AADACL3: variants seen among roughly 807,000 people sequenced by gnomAD.
AADACL3 encodes arylacetamide deacetylase-like 3.
A neutral mutation model predicts 13.6 loss-of-function variants in AADACL3; 13 were observed. The observed-to-expected ratio is 0.95, with a 90% CI of 0.62 to 1.52. The LOEUF is 1.52. Among genes scored for constraint, AADACL3 ranks in the 40% most tolerant of loss-of-function variants. AADACL3 has a pLI of 0.00. For synonymous variants in AADACL3, 195 were observed against 197.0 expected (o/e 0.99, Z 0.08); for missense variants, 519 against 499.2 (o/e 1.04, Z -0.38).
At chr1:12,722,052 C>A (rs1459171559) in intron 3 of AADACL3, among the ~76,000 whole-genome samples, 4 of 152,160 alleles carry the variant, frequency 2.6e-5, no homozygotes, top group Non-Finnish European at 5.9e-5. Context: ...AGAGATGAAG[C>A]CGGGTGCAGT....
Position 12,719,497 on chromosome 1 carries a change from G to C in AADACL3, c.191G>C (p.Arg64Thr), listed in dbSNP as rs896528411. 23 of 1,613,940 alleles carry C rather than the reference G, an allele frequency of 1.4e-5. No homozygotes were observed. Among genetic ancestry groups the C allele is most frequent in the Non-Finnish European group, 1.9e-5 (22 of 1,179,920 alleles). The change falls in exon 2 of 4, where the codon AGA becomes ACA. Residue 64 changes from arginine to threonine, a missense_variant. Arg to Thr is a moderately conservative substitution (Grantham distance 71). Transcript: ENST00000359318. ...LTWGMIFEKL[R>T]ICSMPQFFCF... ...CAGGGGATGATATTTGAGAAGCTCA[G>C]AATCTGTTCTATGCCCCAATTTTTC...
chr1:12,726,140 A>G lies in AADACL3; in HGVS notation c.*144A>G. 1.1e-6 allele frequency: 1 copy of G among 872,870 alleles called. No individual in the cohort carries two copies. The highest frequency in any genetic ancestry group is 1.7e-6 in the Non-Finnish European group (1 of 583,430). The allele number at this position is 872,870 out of a possible 1,614,324, so 54.1% of individuals were successfully genotyped here. On this transcript the variant is annotated 3_prime_UTR_variant, in exon 4 of 4. Transcript: ENST00000359318. ...CTGTCACCTTTCTGGTCCAGGTTCT[A>G]GAACCACACAATGCATGCTCCTGAT...
chr1:12,726,073 T>C lies in AADACL3; in HGVS notation c.*77T>C. On this transcript the variant is annotated 3_prime_UTR_variant, in exon 4 of 4. Transcript: ENST00000359318. ...CTCCCACAGGGCTCTCTGTTGCTGA[T>C]TTAGGTGGTGCATAGTGGGGCTAGG... is the stretch of plus-strand genomic sequence containing the variant. 1.3e-6 allele frequency: 2 copies of C among 1,499,328 alleles called. No homozygotes were observed. The highest frequency in any genetic ancestry group is 1.8e-6 in the Non-Finnish European group (2 of 1,114,456). The allele number at this position is 1,499,328 out of a possible 1,614,324, so 92.9% of individuals were successfully genotyped here.
Position 12,719,402 on chromosome 1 carries a change from G to T in AADACL3, c.169-73G>T, listed in dbSNP as rs941571131. On this transcript the variant is annotated intron_variant, in intron 1 of 3. Transcript: ENST00000359318. ...TCCTTTTGCCACCTGTGGAGGGCAGGTTGTGAAGGCCAGACTCCAGATGGC... is the reference window on the plus strand; with the variant it reads ...TCCTTTTGCCACCTGTGGAGGGCAGTTTGTGAAGGCCAGACTCCAGATGGC... 6.9e-6 allele frequency: 10 copies of T among 1,444,536 alleles called. No individual in the cohort carries two copies. The African/African-American group carries it at 1.1e-4, about 16-fold the overall frequency. The allele number at this position is 1,444,536 out of a possible 1,614,324, so 89.5% of individuals were successfully genotyped here. A position where few individuals can be genotyped will look rare whatever the true frequency, so the allele number is the denominator to read the frequency against.
At chr1:12,721,746 C>T (rs1399362539) in intron 3 of AADACL3, among the ~76,000 whole-genome samples, 2 of 152,312 alleles carry the variant, frequency 1.3e-5, no homozygotes, top group African/African-American at 2.4e-5. Context: ...GTCCCCCTGG[C>T]TGAGACCCAC....
At position 12,726,331 on chromosome 1, in the gene AADACL3, ATT is replaced by A; in HGVS notation, c.*336_*337del. The A allele has an allele frequency of 3.3e-6, 1 of 298,622 alleles. No individual in the cohort carries two copies. Among genetic ancestry groups the A allele is most frequent in the Non-Finnish European group, 6.2e-6 (1 of 160,876 alleles). The allele number at this position is 298,622 out of a possible 1,614,324, so 18.5% of individuals were successfully genotyped here. ...CCTAAGGGGCAGTTCAGGCTCCCAG[ATT>A]GATCCAGACTGTGTGTGACTTTCGT... is the stretch of plus-strand genomic sequence containing the variant. On this transcript the variant is annotated 3_prime_UTR_variant, in exon 4 of 4. Coordinates refer to ENST00000359318, the MANE Select transcript of AADACL3 (RefSeq NM_001103170.3).
Position 12,719,590 on chromosome 1 carries a change from G to A in AADACL3, c.284G>A (p.Gly95Glu). 1 of 1,614,052 alleles carries A rather than the reference G, an allele frequency of 6.2e-7. No individual in the cohort carries two copies. Among genetic ancestry groups the A allele is most frequent in the Non-Finnish European group, 8.5e-7 (1 of 1,179,948 alleles). The change falls in exon 2 of 4, where the codon GGG (glycine) becomes GAG (glutamate). Residue 95 changes from glycine to glutamate, a missense_variant. By Grantham distance (98) the Gly-to-Glu change is moderately conservative. Transcript: ENST00000359318. ...PDVVVTDFRFGTIPVKLYQPK... is the reference protein window; with the variant it reads ...PDVVVTDFRFETIPVKLYQPK... ...GTTGTGGTCACGGATTTCCGCTTTG[G>A]GACAATCCCTGTGAAGCTGTACCAA... is the stretch of plus-strand genomic sequence containing the variant.
At chr1:12,716,480 A>C (rs1569617067) in intron 1 of AADACL3, 136 bp downstream of exon 1, 1 of 1,242,672 alleles carries the variant, frequency 8.0e-7, no homozygotes, top group East Asian at 2.3e-5. Context: ...AGACCTTCTG[A>C]AATGTGCATA....
At position 12,716,130 on chromosome 1, in the gene AADACL3, T is replaced by C. The variant is rs1351428589; in HGVS notation, c.-47T>C. ...GCTCTGAACCATGTCCTAAATGGTT[T>C]ACACTGCGCACAGCTTCCTCTCAGC... On this transcript the variant is annotated 5_prime_UTR_variant, in exon 1 of 4. Coordinates refer to ENST00000359318, the MANE Select transcript of AADACL3 (RefSeq NM_001103170.3). The C allele has an allele frequency of 7.7e-6, 5 of 646,112 alleles. No homozygotes were observed. The highest frequency in any genetic ancestry group is 1.1e-5 in the Non-Finnish European group (4 of 357,084). 40.0% of individuals were successfully genotyped at this position (646,112 alleles called of 1,614,324 possible).
At position 12,726,358 on chromosome 1, in the gene AADACL3, T is replaced by C; in HGVS notation, c.*362T>C. 4.6e-6 allele frequency: 1 copy of C among 217,932 alleles called. No homozygotes were observed. The highest frequency in any genetic ancestry group is 9.0e-6 in the Non-Finnish European group (1 of 110,630). 13.5% of individuals were successfully genotyped at this position (217,932 alleles called of 1,614,324 possible). On this transcript the variant is annotated 3_prime_UTR_variant, in exon 4 of 4. Transcript: ENST00000359318. The stretch of plus-strand genomic sequence containing the variant: ...TGATCCAGACTGTGTGTGACTTTCG[T>C]CCATTTGACTTGACTTTGGAATAGC...
chr1:12,718,552 A>G (rs945786267), intron 1 of AADACL3, among the ~76,000 whole-genome samples: 1 of 152,034 alleles, frequency 6.6e-6, no homozygotes, highest in Non-Finnish European at 1.5e-5. Flanking sequence ...GCTGGAGTGC[A>G]ATGGCATGAT....
rs1474782534 is a variant in AADACL3 at position 12,727,661 on chromosome 1, C to T, written c.*1665C>T. 1 of 152,260 alleles carries T rather than the reference C, an allele frequency of 6.6e-6. No individual in the cohort carries two copies. The highest frequency in any genetic ancestry group is 1.5e-5 in the Non-Finnish European group (1 of 68,060). 9.4% of individuals were successfully genotyped at this position (152,260 alleles called of 1,614,324 possible). On this transcript the variant is annotated 3_prime_UTR_variant, in exon 4 of 4. Coordinates refer to ENST00000359318, the MANE Select transcript of AADACL3 (RefSeq NM_001103170.3). ...GCTGAACTATGAGGCAGAGAGGAAT[C>T]CCATTGGGTGGCTCCTTGCTGCATT... is the stretch of plus-strand genomic sequence containing the variant.
At position 12,719,674 on chromosome 1, in the gene AADACL3, G is replaced by A. The variant is rs377308008; in HGVS notation, c.368G>A (p.Gly123Asp). ...ATCGTGTACTACCACGGTGGCGGGGGCGTCATGGGGAGTTTGAGTAAGAAC... is the reference window on the plus strand; with the variant it reads ...ATCGTGTACTACCACGGTGGCGGGGACGTCATGGGGAGTTTGAGTAAGAAC... ...PGIVYYHGGG[G>D]VMGSLKTHHG... The change falls in exon 2 of 4, where the codon GGC becomes GAC. Residue 123 changes from glycine (G) to aspartate (D), a missense_variant. Gly to Asp is a moderately conservative substitution (Grantham distance 94). Coordinates refer to ENST00000359318, the MANE Select transcript of AADACL3 (RefSeq NM_001103170.3). The A allele has an allele frequency of 5.6e-6, 9 of 1,613,924 alleles. No individual in the cohort carries two copies. The highest frequency in any genetic ancestry group is 2.7e-5 in the African/African-American group (2 of 74,910).
chr1:12,717,596 G>A (rs527436377), intron 1 of AADACL3, among the ~76,000 whole-genome samples: 4 of 152,196 alleles, frequency 2.6e-5, no homozygotes, highest in South Asian at 2.1e-4. Flanking sequence ...AGGTGAGAGA[G>A]GTAAAGTTCC....
At chr1:12,716,428 G>A in intron 1 of AADACL3, 84 bp downstream of exon 1, 1 of 1,558,742 alleles carries the variant, frequency 6.4e-7, no homozygotes, top group Non-Finnish European at 8.8e-7. Context: ...GCTTCTAGCT[G>A]AATGAACACC....
intron 1 of AADACL3, among the ~76,000 whole-genome samples, chr1:12,716,759 T>C (rs1302406783): frequency 6.6e-6 from 1 of 152,252 alleles, no homozygotes; most frequent in East Asian, 1.9e-4. Context: ...GTGTCCATAT[T>C]ATTCACAGCA....
intron 1 of AADACL3, among the ~76,000 whole-genome samples, chr1:12,719,053 T>C (rs1320618654): frequency 6.6e-6 from 1 of 152,304 alleles, no homozygotes; most frequent in Non-Finnish European, 1.5e-5. Flanking sequence ...ACCCACACTA[T>C]AGTTAGCTAC....
chr1:12,723,726 G>C (rs901316622), intron 3 of AADACL3, among the ~76,000 whole-genome samples: 3 of 152,040 alleles, frequency 2.0e-5, no homozygotes, highest in Non-Finnish European at 2.9e-5. Context: ...CGATTCATCT[G>C]CCTTGGCCTC....
intron 2 of AADACL3, among the ~76,000 whole-genome samples, chr1:12,720,087 T>G (rs1648538086): frequency 6.6e-6 from 1 of 152,176 alleles, no homozygotes; most frequent in Non-Finnish European, 1.5e-5. Context: ...TGAAAAGAAT[T>G]AAAACACAGC....
Sources: allele counts gnomAD v4.1 joint callset (sites outside exome capture counted in the v4.1 genomes callset), GRCh38; gene constraint gnomAD v4.1.1; transcripts MANE v1.5; gene names NCBI Gene and HGNC (gene_info 2026-07-23, HGNC 2026-07-21).